Variants in LRRC4C observed in about 807,000 individuals in gnomAD.
The protein encoded by LRRC4C is leucine-rich repeat-containing protein 4C.
A neutral mutation model predicts 33.6 loss-of-function variants in LRRC4C; 5 were observed. The ratio of observed to expected loss-of-function variants is 0.15; its 90% CI spans 0.08 to 0.31. LRRC4C has a LOEUF of 0.31. LRRC4C is among the 10% of genes least tolerant of loss of function. The pLI is 1.00. For missense variants in LRRC4C, 560 were observed against 796.7 expected, an observed-to-expected ratio of 0.70 and a Z score of 3.58; for synonymous variants, 329 against 302.0, an observed-to-expected ratio of 1.09 and a Z score of -0.93.
intron 1 of LRRC4C, among the ~76,000 whole-genome samples, chr11:41,104,582 G>T (rs1590598331): frequency 6.6e-6 from 1 of 151,868 alleles, no homozygotes; most frequent in African/African-American, 2.4e-5. Context: ...AATGTGGAGT[G>T]AACATATGAC....
At chr11:40,123,095 A>G (rs997904712) in intron 6 of LRRC4C, among the ~76,000 whole-genome samples, 2 of 152,124 alleles carry the variant, frequency 1.3e-5, no homozygotes, top group African/African-American at 4.8e-5. Flanking sequence ...AGGGCCAGAT[A>G]GTAATTATTT....
intron 5 of LRRC4C, among the ~76,000 whole-genome samples, chr11:40,192,039 C>T (rs977675725): frequency 2.6e-4 from 40 of 151,964 alleles, no homozygotes; most frequent in African/African-American, 9.2e-4. Flanking sequence ...GTTATGATAA[C>T]ATTATATAGG....
At chr11:41,404,250 C>T (rs1429978098) in intron 1 of LRRC4C, among the ~76,000 whole-genome samples, 3 of 151,876 alleles carry the variant, frequency 2.0e-5, no homozygotes, top group Non-Finnish European at 4.4e-5. Flanking sequence ...CCAAGTTTCC[C>T]CAAGCAAAGA....
Position 40,201,170 on chromosome 11 carries a change from C to T in LRRC4C, c.-96+40349G>A, listed in dbSNP as rs999907215. ...GCACGCAAGGCAGAAGGCACACACC[C>T]GACTGAACTTGCCAGGCTCAGCCTT... On this transcript the variant is annotated intron_variant, in intron 5 of 6. Coordinates refer to ENST00000528697, the MANE Select transcript of LRRC4C (RefSeq NM_001258419.2). Among the ~76,000 whole-genome samples the T allele has an allele frequency of 1.8e-4, 28 of 152,230 alleles. 1 individual carries two copies. The highest frequency in any genetic ancestry group is 6.7e-4 in the African/African-American group (28 of 41,532).
chr11:40,865,117 T>C (rs556955563), intron 2 of LRRC4C, among the ~76,000 whole-genome samples: 1 of 152,266 alleles, frequency 6.6e-6, no homozygotes, highest in Non-Finnish European at 1.5e-5. Flanking sequence ...GGAAATCCTA[T>C]AATTTGTAAC....
At chr11:40,418,390 C>A (rs529595117) in intron 3 of LRRC4C, among the ~76,000 whole-genome samples, 1 of 151,928 alleles carries the variant, frequency 6.6e-6, no homozygotes, top group Admixed American at 6.6e-5. Flanking sequence ...TAGATAAATG[C>A]AAATCAAAAC....
intron 1 of LRRC4C, among the ~76,000 whole-genome samples, chr11:41,299,959 C>T (rs943683745): frequency 1.3e-5 from 2 of 151,972 alleles, no homozygotes; most frequent in African/African-American, 4.8e-5. Flanking sequence ...AGTGTTTTGA[C>T]TGGATTTATA....
At chr11:40,831,382 A>G (rs1164730646) in intron 2 of LRRC4C, among the ~76,000 whole-genome samples, 2 of 152,068 alleles carry the variant, frequency 1.3e-5, no homozygotes, top group African/African-American at 4.8e-5. Flanking sequence ...AGACCCACTC[A>G]ATACTCTCCA....
chr11:41,108,290 T>C (rs866724611), intron 1 of LRRC4C, among the ~76,000 whole-genome samples: 6 of 152,134 alleles, frequency 3.9e-5, no homozygotes, highest in Admixed American at 6.6e-5. Context: ...ATGTAGTATC[T>C]GCAGTACTTG....
At chr11:40,688,779 A>G (rs1264338623) in intron 2 of LRRC4C, among the ~76,000 whole-genome samples, 4 of 152,112 alleles carry the variant, frequency 2.6e-5, no homozygotes, top group Admixed American at 6.6e-5. Flanking sequence ...CGGGAGACCA[A>G]TTTACACTTT....
chr11:41,418,934 C>T (rs1193496599), intron 1 of LRRC4C, among the ~76,000 whole-genome samples: 2 of 151,646 alleles, frequency 1.3e-5, no homozygotes, highest in Non-Finnish European at 2.9e-5. Flanking sequence ...TAGAGGAAAG[C>T]TGGTATGTGT....
rs76633009 is a variant in LRRC4C at position 40,533,029 on chromosome 11, T to C, written c.-270+115113A>G. 1.2e-3 allele frequency among the ~76,000 whole-genome samples: 177 copies of C among 152,218 alleles called. No individual in the cohort carries two copies. The Middle Eastern group carries it at 0.017, about 15-fold the overall frequency. ...TCACGAGAACAGCAAACCAACCCCC[T>C]GATTCAATTGCCTCCACCTGGTCTC... On this transcript the variant is annotated intron_variant, in intron 3 of 6. Transcript: ENST00000528697.
At chr11:40,808,952 T>G (rs762779567) in intron 2 of LRRC4C, among the ~76,000 whole-genome samples, 77 of 152,286 alleles carry the variant, frequency 5.1e-4, no homozygotes, top group Non-Finnish European at 4.0e-4. Flanking sequence ...GTCTTTTTAA[T>G]CACTACCCAA....
chr11:40,605,056 A>G (rs1028126205), intron 3 of LRRC4C, among the ~76,000 whole-genome samples: 1 of 152,156 alleles, frequency 6.6e-6, no homozygotes, highest in Non-Finnish European at 1.5e-5. Context: ...AAGCAGCTGA[A>G]GTAAAAAATA....
At chr11:40,135,529 A>C (rs61911793) in intron 6 of LRRC4C, among the ~76,000 whole-genome samples, 1 of 152,332 alleles carries the variant, frequency 6.6e-6, no homozygotes, top group East Asian at 1.9e-4. Context: ...GCTGTACATG[A>C]AAAGCAATAA....
chr11:40,976,994 G>A (rs559273582), intron 1 of LRRC4C, among the ~76,000 whole-genome samples: 6 of 152,212 alleles, frequency 3.9e-5, no homozygotes, highest in African/African-American at 1.4e-4. Flanking sequence ...TGAACCCTGA[G>A]CTTGTTTTCC....
rs530131692 is a variant in LRRC4C at position 40,408,535 on chromosome 11, A to G, written c.-269-88814T>C. Among the ~76,000 whole-genome samples the G allele has an allele frequency of 2.6e-5, 4 of 152,008 alleles. No individual in the cohort carries two copies. The South Asian group carries it at 6.2e-4, about 24-fold the overall frequency. ...ACTGGAAATATCATAATTATTAGAA[A>G]AGGATAGAGGTTAAGTCATTTTACT... On this transcript the variant is annotated intron_variant, in intron 3 of 6. Coordinates refer to ENST00000528697, the MANE Select transcript of LRRC4C (RefSeq NM_001258419.2).
intron 1 of LRRC4C, among the ~76,000 whole-genome samples, chr11:41,082,201 A>C (rs1485753897): frequency 6.6e-6 from 1 of 152,154 alleles, no homozygotes; most frequent in Non-Finnish European, 1.5e-5. Flanking sequence ...CAAATACATG[A>C]AGTGGAATCA....
intron 3 of LRRC4C, among the ~76,000 whole-genome samples, chr11:40,346,413 G>A (rs1418887905): frequency 6.6e-6 from 1 of 152,152 alleles, no homozygotes; most frequent in Non-Finnish European, 1.5e-5. Context: ...CATAGAAGGA[G>A]CTAGAGGCCA....
Sources: gnomAD v4.1 joint callset for allele counts (sites outside exome capture counted in the v4.1 genomes callset) on GRCh38, gnomAD v4.1.1 for gene constraint, MANE v1.5 for transcripts, NCBI Gene and HGNC (gene_info 2026-07-23, HGNC 2026-07-21) for gene names.